The following CA12 variants were observed in gnomAD, a reference collection of about 807,000 sequenced individuals.
The protein encoded by CA12 is carbonate dehydratase XII.
A neutral mutation model predicts 46.8 loss-of-function variants in CA12; 36 were observed. The observed-to-expected ratio is 0.77, with a 90% CI of 0.59 to 1.02. The LOEUF (loss-of-function observed/expected upper bound fraction) is 1.02, where lower values mean the gene tolerates loss of function less well. Ranked by LOEUF, CA12 falls within the 50% of genes least tolerant of loss-of-function variation. The pLI is 0.00. For missense variants in CA12, 436 were observed against 451.4 expected (o/e 0.97, Z 0.31); for synonymous variants, 202 against 187.0 (o/e 1.08, Z -0.65).
At position 63,340,252 on chromosome 15, in the gene CA12, C is replaced by A; in HGVS notation, c.747+36G>T. 6.2e-7 allele frequency: 1 copy of A among 1,612,844 alleles called. No individual in the cohort carries two copies. The highest frequency in any genetic ancestry group is 8.5e-7 in the Non-Finnish European group (1 of 1,178,936). On this transcript the variant is annotated intron_variant, in intron 7 of 10. Transcript: ENST00000178638. The surrounding 1 kb of genome is among the most constrained non-coding windows in gnomAD (Gnocchi z 4.4). The stretch of plus-strand genomic sequence containing the variant: ...TGGAGGATGATGGGGACTGAGGTGC[C>A]GCGTGGACTCTGGCTGAGTCTGGCA...
At chr15:63,342,133 G>T in intron 4 of CA12, 36 bp from the exon 5 acceptor site, 3 of 1,347,184 alleles carry the variant, frequency 2.2e-6, no homozygotes, top group South Asian at 2.3e-5. Context: ...TAGGAGATAA[G>T]CGACTCATGG....
chr15:63,353,062 T>C (rs923561002), intron 2 of CA12, among the ~76,000 whole-genome samples: 3 of 152,054 alleles, frequency 2.0e-5, no homozygotes, highest in Non-Finnish European at 4.4e-5. Flanking sequence ...GAAGATGCAA[T>C]GGAGAACAAA....
intron 1 of CA12, among the ~76,000 whole-genome samples, chr15:63,380,607 AG>A (rs1851115222): frequency 1.3e-5 from 2 of 152,234 alleles, no homozygotes; most frequent in African/African-American, 2.4e-5. Context: ...TGACCAGATG[AG>A]GGAGATAATA....
rs1595771850 is a variant in CA12 at position 63,325,761 on chromosome 15, C to T, written c.*524G>A. The T allele has an allele frequency of 5.3e-6, 1 of 189,728 alleles. No individual in the cohort carries two copies. The highest frequency in any genetic ancestry group is 1.1e-5 in the Non-Finnish European group (1 of 89,586). The allele number at this position is 189,728 out of a possible 1,614,324, so 11.8% of individuals were successfully genotyped here. On this transcript the variant is annotated 3_prime_UTR_variant, in exon 11 of 11. Coordinates refer to ENST00000178638, the MANE Select transcript of CA12 (RefSeq NM_001218.5). This position sits in a 1 kb window ranked among gnomAD's most constrained non-coding sequence, Gnocchi z 4.9. ...GATCCTTCCTGTCCCCATTTGTCCC[C>T]GAGTTGTAAGGTGCAGATTAAAGGT...
At chr15:63,332,743 C>G (rs779935108) in intron 8 of CA12, among the ~76,000 whole-genome samples, 1 of 152,096 alleles carries the variant, frequency 6.6e-6, no homozygotes, top group African/African-American at 2.4e-5. Context: ...GACAATAAAA[C>G]GAAAAGGTGA....
In CA12 at chr15:63,322,991, G is replaced by C. The variant is rs1267724392; in HGVS notation, c.*3294C>G. 1 of 152,138 alleles carries C rather than the reference G, an allele frequency of 6.6e-6. No individual in the cohort carries two copies. Among genetic ancestry groups the C allele is most frequent in the African/African-American group, 2.4e-5 (1 of 41,420 alleles). The allele number at this position is 152,138 out of a possible 1,614,324, so 9.4% of individuals were successfully genotyped here. ...GGTACCTATTTTATAACCTTTACTG[G>C]ACTGCCTCTTTTTGCCCCAGTCAGA... On this transcript the variant is annotated 3_prime_UTR_variant, in exon 11 of 11. Coordinates refer to ENST00000178638, the MANE Select transcript of CA12 (RefSeq NM_001218.5). The surrounding 1 kb of genome is among the most constrained non-coding windows in gnomAD (Gnocchi z 4.1).
chr15:63,363,439 T>C (rs1458782848), intron 2 of CA12, among the ~76,000 whole-genome samples: 2 of 152,238 alleles, frequency 1.3e-5, no homozygotes, highest in Non-Finnish European at 1.5e-5. Flanking sequence ...CCAGGCTATG[T>C]GCATCTATCT....
rs1189249263 is a variant in CA12, at chr15:63,341,682, A to G, written c.525+320T>C. Among the ~76,000 whole-genome samples, 2 of 152,184 alleles carry G rather than the reference A, an allele frequency of 1.3e-5. No homozygotes were observed. Among genetic ancestry groups the G allele is most frequent in the African/African-American group, 2.4e-5 (1 of 41,454 alleles). ...AGAGTTCAGGCATCTGATGGGGCAG[A>G]TGGAGTTTGATGATCCCTTTCCAGC... On this transcript the variant is annotated intron_variant, in intron 5 of 10. Coordinates refer to ENST00000178638, the MANE Select transcript of CA12 (RefSeq NM_001218.5). The surrounding 1 kb of genome is among the most constrained non-coding windows in gnomAD (Gnocchi z 5.2).
In CA12 at chr15:63,340,551, G is replaced by GAAACAT; in HGVS notation, c.590-107_590-106insATGTTT. ...TAGAAACATGAACTAGCCCCTTTCAGGGTCATCTAACCCCAGGACCTGGTT... is the reference window on the plus strand; with the variant it reads ...TAGAAACATGAACTAGCCCCTTTCAGAAACATGGTCATCTAACCCCAGGACCTGGTT... On this transcript the variant is annotated intron_variant, in intron 6 of 10. Coordinates refer to ENST00000178638, the MANE Select transcript of CA12 (RefSeq NM_001218.5). The surrounding 1 kb of genome is among the most constrained non-coding windows in gnomAD (Gnocchi z 4.4). The GAAACAT allele has an allele frequency of 3.3e-6, 5 of 1,499,548 alleles. No homozygotes were observed. The highest frequency in any genetic ancestry group is 1.4e-5 in the African/African-American group (1 of 72,774). The allele number at this position is 1,499,548 out of a possible 1,614,324, so 92.9% of individuals were successfully genotyped here.
At chr15:63,357,835 C>G (rs888876424) in intron 2 of CA12, among the ~76,000 whole-genome samples, 1 of 152,160 alleles carries the variant, frequency 6.6e-6, no homozygotes, top group Non-Finnish European at 1.5e-5. Flanking sequence ...ACTCTCCCTG[C>G]TCTCAGCACC....
At chr15:63,377,736 T>C (rs2152628523) in intron 1 of CA12, among the ~76,000 whole-genome samples, 1 of 152,338 alleles carries the variant, frequency 6.6e-6, no homozygotes, top group South Asian at 2.1e-4. Flanking sequence ...ATGATTCTTT[T>C]GCTATTATCT....
At chr15:63,357,746 G>A (rs1030113071) in intron 2 of CA12, among the ~76,000 whole-genome samples, 2 of 151,976 alleles carry the variant, frequency 1.3e-5, no homozygotes, top group Admixed American at 6.6e-5. Context: ...ACGATGTTGT[G>A]CAACCATTAC....
intron 2 of CA12, among the ~76,000 whole-genome samples, chr15:63,358,658 C>T (rs527796400): frequency 2.6e-4 from 39 of 152,246 alleles, no homozygotes; most frequent in African/African-American, 8.4e-4. Context: ...CGGGGGAAAT[C>T]GGGGTATCTA....
chr15:63,371,393 A>G (rs1464711628), intron 2 of CA12, among the ~76,000 whole-genome samples: 1 of 152,254 alleles, frequency 6.6e-6, no homozygotes, highest in South Asian at 2.1e-4. Context: ...GAGTCCTGCC[A>G]GAGCCGAGGG....
At position 63,374,406 on chromosome 15, in the gene CA12, C is replaced by T. The variant is rs2039545554; in HGVS notation, c.106+1252G>A. Among the ~76,000 whole-genome samples, 1 of 152,194 alleles carries T rather than the reference C, an allele frequency of 6.6e-6. No homozygotes were observed. Among genetic ancestry groups the T allele is most frequent in the Non-Finnish European group, 1.5e-5 (1 of 68,038 alleles). Reference sequence around the variant, plus strand: ...ATCTAGCCCTAGCACACTCGCCCTCCTTTGAGCACTCAGATCTCTGAAGCA... The same window carrying T: ...ATCTAGCCCTAGCACACTCGCCCTCTTTTGAGCACTCAGATCTCTGAAGCA... On this transcript the variant is annotated intron_variant, in intron 2 of 10. Transcript: ENST00000178638. This position sits in a 1 kb window ranked among gnomAD's most constrained non-coding sequence, Gnocchi z 4.4.
rs2038888729 is a variant in CA12 at position 63,327,918 on chromosome 15, C to T, written c.907+180G>A. 6.6e-6 allele frequency among the ~76,000 whole-genome samples: 1 copy of T among 152,180 alleles called. No homozygotes were observed. Among genetic ancestry groups the T allele is most frequent in the South Asian group, 2.1e-4 (1 of 4,834 alleles). On this transcript the variant is annotated intron_variant, in intron 9 of 10. Transcript: ENST00000178638. This position sits in a 1 kb window ranked among gnomAD's most constrained non-coding sequence, Gnocchi z 4.5. ...GTGATTGGATCTTTCATTAGAGGAA[C>T]ATTTGATTGGCAGTTCATCTTTGAA...
At chr15:63,380,685 G>T (rs1423656117) in intron 1 of CA12, among the ~76,000 whole-genome samples, 1 of 152,110 alleles carries the variant, frequency 6.6e-6, no homozygotes, top group Non-Finnish European at 1.5e-5. Context: ...TGGCTCCCCT[G>T]CCCTTCCCCA....
At position 63,347,285 on chromosome 15, in the gene CA12, A is replaced by C. The variant is rs115579555; in HGVS notation, c.107-576T>G. ...CCACAACTGCTTTTGCACCAACCTA[A>C]ATAGGTCTTTGTGGCTGCTGGCTTT... On this transcript the variant is annotated intron_variant, in intron 2 of 10. Coordinates refer to ENST00000178638, the MANE Select transcript of CA12 (RefSeq NM_001218.5). 3.7e-3 allele frequency among the ~76,000 whole-genome samples: 559 copies of C among 152,288 alleles called. 4 individuals are homozygous for C. Among genetic ancestry groups the C allele is most frequent in the African/African-American group, 0.013 (529 of 41,564 alleles).
At chr15:63,343,279 C>CTTTT (rs35290345) in intron 4 of CA12, among the ~76,000 whole-genome samples, 3,431 of 98,562 alleles carry the variant, frequency 0.035, 286 homozygotes, top group African/African-American at 0.11. Context: ...TAGAAAGAAT[C>CTTTT]TTTTTTTTTT....
Sources: allele counts gnomAD v4.1 joint callset (sites outside exome capture counted in the v4.1 genomes callset), GRCh38; gene constraint gnomAD v4.1.1; non-coding constraint Gnocchi (gnomAD v3.1); transcripts MANE v1.5; gene names NCBI Gene and HGNC (gene_info 2026-07-23, HGNC 2026-07-21).